FSTL5: variants seen among roughly 807,000 people sequenced by gnomAD.
The protein encoded by FSTL5 is follistatin-related protein 5.
Under a neutral mutation model 89.1 loss-of-function variants are expected in FSTL5, and 62 were observed. That is an observed-to-expected ratio of 0.70 (90% CI 0.57 to 0.86). The LOEUF (loss-of-function observed/expected upper bound fraction) is 0.86, where lower values mean the gene tolerates loss of function less well. FSTL5 is among the 40% of genes least tolerant of loss of function. FSTL5 has a pLI of 0.00. For missense variants in FSTL5, 1,057 were observed against 1,001.6 expected (o/e 1.06, Z -0.75); for synonymous variants, 383 against 346.2 (o/e 1.11, Z -1.18).
chr4:161,466,780 T>C (rs993850915), intron 13 of FSTL5, among the ~76,000 whole-genome samples: 2 of 152,108 alleles, frequency 1.3e-5, no homozygotes, highest in Non-Finnish European at 2.9e-5. Flanking sequence ...ATTAAAAAAA[T>C]GTGACCTTTA....
chr4:161,952,171 A>G (rs371671954), intron 3 of FSTL5, among the ~76,000 whole-genome samples: 2 of 152,062 alleles, frequency 1.3e-5, no homozygotes, highest in African/African-American at 4.8e-5. Context: ...ATGTGACACC[A>G]TCTGTCTCAC....
At chr4:161,818,181 C>G (rs1431066507) in intron 4 of FSTL5, among the ~76,000 whole-genome samples, 1 of 152,138 alleles carries the variant, frequency 6.6e-6, no homozygotes, top group African/African-American at 2.4e-5. Flanking sequence ...CACCCGCAGG[C>G]CACCCCACCA....
intron 3 of FSTL5, among the ~76,000 whole-genome samples, chr4:162,021,739 A>G (rs1737091924): frequency 6.6e-6 from 1 of 152,162 alleles, no homozygotes; most frequent in African/African-American, 2.4e-5. Context: ...AATAATGGAC[A>G]TAGAGTGTGA....
intron 1 of FSTL5, among the ~76,000 whole-genome samples, chr4:162,136,695 CCTATAA>C (rs1267418385): frequency 6.6e-6 from 1 of 151,850 alleles, no homozygotes. Flanking sequence ...ACATTTCTTA[CCTATAA>C]CTATATTATC....
intron 6 of FSTL5, among the ~76,000 whole-genome samples, chr4:161,740,162 G>T (rs1316835378): frequency 6.6e-6 from 1 of 151,978 alleles, no homozygotes; most frequent in East Asian, 1.9e-4. Context: ...TGGGATTACA[G>T]ACTTGTGCCA....
At chr4:161,575,772 G>A (rs1733188428) in intron 8 of FSTL5, among the ~76,000 whole-genome samples, 1 of 152,022 alleles carries the variant, frequency 6.6e-6, no homozygotes, top group Non-Finnish European at 1.5e-5. Flanking sequence ...TTCTTCCAGT[G>A]TTTTTATGGT....
intron 7 of FSTL5, among the ~76,000 whole-genome samples, chr4:161,640,303 G>T (rs1041728675): frequency 1.3e-5 from 2 of 152,058 alleles, no homozygotes; most frequent in Admixed American, 6.6e-5. Flanking sequence ...CCCATTCAAA[G>T]GAAAAGAGTA....
At chr4:161,718,214 C>A (rs575466819) in intron 6 of FSTL5, among the ~76,000 whole-genome samples, 1 of 152,190 alleles carries the variant, frequency 6.6e-6, no homozygotes, top group East Asian at 1.9e-4. Context: ...ATGAACTTCA[C>A]TATACTCTCA....
Position 161,587,433 on chromosome 4 carries a change from GGT to G in FSTL5, c.1015+20_1015+21del. ...ACTATGGTGTTCTTTGAATAGTTAGGGTAACAAAAATCACTTCTTACCATTCA... is the reference window on the plus strand; with the variant it reads ...ACTATGGTGTTCTTTGAATAGTTAGGAACAAAAATCACTTCTTACCATTCA... On this transcript the variant is annotated intron_variant, in intron 8 of 15. Coordinates refer to ENST00000306100, the MANE Select transcript of FSTL5 (RefSeq NM_020116.5). 6.2e-7 allele frequency: 1 copy of G among 1,610,718 alleles called. No homozygotes were observed. Among genetic ancestry groups the G allele is most frequent in the Non-Finnish European group, 8.5e-7 (1 of 1,177,654 alleles).
At chr4:161,501,701 GA>G (rs1015767207) in intron 11 of FSTL5, among the ~76,000 whole-genome samples, 1 of 151,888 alleles carries the variant, frequency 6.6e-6, no homozygotes, top group African/African-American at 2.4e-5. Flanking sequence ...AACAGAAGCA[GA>G]AGTGGCAAGC....
chr4:161,892,487 T>C (rs1479039961), intron 4 of FSTL5, among the ~76,000 whole-genome samples: 1 of 140,096 alleles, frequency 7.1e-6, no homozygotes, highest in Non-Finnish European at 1.6e-5. Context: ...ATCAAAGTTC[T>C]TTGCAAAAGA....
At chr4:161,737,460 T>C (rs1408262514) in intron 6 of FSTL5, among the ~76,000 whole-genome samples, 2 of 152,016 alleles carry the variant, frequency 1.3e-5, no homozygotes, top group Non-Finnish European at 2.9e-5. Flanking sequence ...GAAGATCAAC[T>C]ATCTTCTTTA....
intron 7 of FSTL5, among the ~76,000 whole-genome samples, chr4:161,640,276 GA>G (rs1291498329): frequency 1.3e-5 from 2 of 152,088 alleles, no homozygotes; most frequent in African/African-American, 4.8e-5. Context: ...TGTATATGAA[GA>G]AATGGGAAAG....
chr4:161,720,781 C>T (rs1261118019), intron 6 of FSTL5, among the ~76,000 whole-genome samples: 2 of 152,140 alleles, frequency 1.3e-5, no homozygotes, highest in African/African-American at 4.8e-5. Flanking sequence ...GCAAATACTA[C>T]ATAATTCCAC....
chr4:161,771,035 T>A (rs1338117331), intron 5 of FSTL5, among the ~76,000 whole-genome samples: 1 of 151,994 alleles, frequency 6.6e-6, no homozygotes, highest in East Asian at 1.9e-4. Context: ...ATAAGAAAAA[T>A]TATTCCTCTT....
At position 161,477,634 on chromosome 4, in the gene FSTL5, A is replaced by G. The variant is rs957053362; in HGVS notation, c.1608+3386T>C. Among the ~76,000 whole-genome samples the G allele has an allele frequency of 3.7e-4, 49 of 133,606 alleles. 1 individual carries two copies. Among genetic ancestry groups the G allele is most frequent in the African/African-American group, 1.2e-3 (45 of 36,130 alleles). 87.7% of individuals were successfully genotyped at this position (133,606 alleles called of 152,430 possible). ...TGATTGACTCCATTATTTATAATTC[A>G]GGTCTATCTCTGAACTTATTTAATC... On this transcript the variant is annotated intron_variant, in intron 13 of 15. Coordinates refer to ENST00000306100, the MANE Select transcript of FSTL5 (RefSeq NM_020116.5).
chr4:162,127,498 T>C (rs1732128947), intron 1 of FSTL5, among the ~76,000 whole-genome samples: 1 of 152,188 alleles, frequency 6.6e-6, no homozygotes, highest in African/African-American at 2.4e-5. Flanking sequence ...CATTCAAGCA[T>C]TTTTTTAAGT....
chr4:161,822,288 T>C (rs989859031), intron 4 of FSTL5, among the ~76,000 whole-genome samples: 23 of 152,184 alleles, frequency 1.5e-4, no homozygotes, highest in African/African-American at 4.1e-4. Context: ...CACAGGCCTA[T>C]TGGGCTTGTT....
Position 161,447,471 on chromosome 4 carries a change from T to A in FSTL5, c.1841+7533A>T, listed in dbSNP as rs143324570. ...CCACTTTGGACACAAGACTCCTTTC[T>A]TACAAGTGTCAGAGCAGAGCACAGT... On this transcript the variant is annotated intron_variant, in intron 15 of 15. Transcript: ENST00000306100. 5.3e-3 allele frequency among the ~76,000 whole-genome samples: 809 copies of A among 152,158 alleles called. 7 individuals carry two copies. The highest frequency in any genetic ancestry group is 0.019 in the African/African-American group (785 of 41,526).
Sources: allele counts gnomAD v4.1 joint callset (sites outside exome capture counted in the v4.1 genomes callset), GRCh38; gene constraint gnomAD v4.1.1; transcripts MANE v1.5; gene names NCBI Gene and HGNC (gene_info 2026-07-23, HGNC 2026-07-21).